The following CALN1 variants were observed in gnomAD, a reference collection of about 807,000 sequenced individuals.
CALN1 encodes the protein calcium-binding protein 8.
CALN1 carries 17 observed loss-of-function variants against 30.6 expected under a neutral mutation model. The observed-to-expected ratio is 0.56, with a 90% CI of 0.38 to 0.83. The LOEUF is 0.83. Among genes scored for constraint, CALN1 ranks in the 40% least tolerant of loss-of-function variants. The pLI, the probability that CALN1 is intolerant of heterozygous loss-of-function variation, is 0.00. For synonymous variants in CALN1, 156 were observed against 131.4 expected (o/e 1.19, Z -1.28); for missense variants, 291 against 354.9 (o/e 0.82, Z 1.45).
intron 5 of CALN1, among the ~76,000 whole-genome samples, chr7:72,019,117 C>T (rs1179850566): frequency 2.0e-5 from 3 of 151,756 alleles, no homozygotes; most frequent in African/African-American, 7.3e-5. Context: ...TCCCTAAGTG[C>T]TGGGATTATA....
chr7:72,340,921 G>C (rs991915965), intron 2 of CALN1, among the ~76,000 whole-genome samples: 12 of 152,158 alleles, frequency 7.9e-5, no homozygotes, highest in Admixed American at 5.9e-4. Context: ...CTGTGCCTTT[G>C]GCCTTCCCCC....
chr7:72,238,060 A>G (rs1172785908), intron 3 of CALN1, among the ~76,000 whole-genome samples: 1 of 152,198 alleles, frequency 6.6e-6, no homozygotes, highest in African/African-American at 2.4e-5. Flanking sequence ...AGGAAGCCCT[A>G]CAGAAGACAG....
chr7:72,055,583 T>A (rs1803200417), intron 4 of CALN1, among the ~76,000 whole-genome samples: 1 of 152,054 alleles, frequency 6.6e-6, no homozygotes, highest in African/African-American at 2.4e-5. Context: ...CAAATAAAAT[T>A]GCAACAGACA....
At chr7:72,297,196 T>C (rs937435177) in intron 2 of CALN1, among the ~76,000 whole-genome samples, 2 of 152,100 alleles carry the variant, frequency 1.3e-5, no homozygotes, top group Admixed American at 1.3e-4. Context: ...CCAAGGAGCA[T>C]TCAGAAAAAA....
intron 5 of CALN1, among the ~76,000 whole-genome samples, chr7:71,826,429 T>C (rs1394876459): frequency 1.3e-5 from 2 of 152,192 alleles, no homozygotes; most frequent in Non-Finnish European, 2.9e-5. Flanking sequence ...TTTGAAAAGC[T>C]TTGCTCTCTG....
intron 5 of CALN1, among the ~76,000 whole-genome samples, chr7:71,890,198 G>A (rs1793160926): frequency 1.3e-5 from 2 of 152,064 alleles, no homozygotes; most frequent in African/African-American, 2.4e-5. Context: ...TCAAACTCCT[G>A]GGCTCAGGCG....
chr7:72,048,041 C>CTTTT (rs1159186115), intron 4 of CALN1, among the ~76,000 whole-genome samples: 24 of 127,602 alleles, frequency 1.9e-4, no homozygotes, highest in South Asian at 5.1e-4. Flanking sequence ...TCTTCTTCTT[C>CTTTT]TTTTTTTTTT....
At chr7:72,303,575 A>G (rs1799444325) in intron 2 of CALN1, among the ~76,000 whole-genome samples, 1 of 104,102 alleles carries the variant, frequency 9.6e-6, no homozygotes, top group Non-Finnish European at 1.8e-5. Context: ...AGAAAAAGAA[A>G]AAAAAAAAAG....
chr7:71,883,761 G>A (rs1792725658), intron 5 of CALN1, among the ~76,000 whole-genome samples: 2 of 152,130 alleles, frequency 1.3e-5, no homozygotes. Flanking sequence ...CTTCTGAACT[G>A]TCCTTTCCCT....
chr7:71,958,065 C>CAAAAAAAAAAAAAAAAAAAAAAAAAAAAA (rs56355838), intron 5 of CALN1, among the ~76,000 whole-genome samples: 1 of 93,874 alleles, frequency 1.1e-5, no homozygotes, highest in East Asian at 2.9e-4. Flanking sequence ...AACTCCATCT[C>CAAAAAAAAAAAAAAAAAAAAAAAAAAAAA]AAAAAAAAAA....
intron 2 of CALN1, among the ~76,000 whole-genome samples, chr7:72,384,263 C>T (rs1284036554): frequency 6.6e-6 from 1 of 152,182 alleles, no homozygotes; most frequent in East Asian, 1.9e-4. Flanking sequence ...GAGTGAATGT[C>T]TGCAAGTGTG....
chr7:72,364,107 C>CAGA (rs1562923762), intron 2 of CALN1, among the ~76,000 whole-genome samples: 5 of 151,472 alleles, frequency 3.3e-5, no homozygotes, highest in African/African-American at 1.2e-4. Flanking sequence ...AATTTGAAAA[C>CAGA]TCTTCTAAGG....
intron 5 of CALN1, among the ~76,000 whole-genome samples, chr7:71,949,044 TAAAAAAA>T (rs34370568): frequency 6.0e-5 from 4 of 66,906 alleles, no homozygotes; most frequent in African/African-American, 1.8e-4. Context: ...CTCTGTCTCT[TAAAAAAA>T]AAAAAAAAAA....
rs941504724 is a variant in CALN1, at chr7:71,828,166, C to T, written c.502-17674G>A. Reference sequence around the variant, plus strand: ...AGCTCTCTGCTCCCAATTTCCACCACTATCCTGATGGGAGCCTTGACCCCA... The same window carrying T: ...AGCTCTCTGCTCCCAATTTCCACCATTATCCTGATGGGAGCCTTGACCCCA... On this transcript the variant is annotated intron_variant, in intron 5 of 6. Coordinates refer to ENST00000395275, the MANE Select transcript of CALN1 (RefSeq NM_031468.4). Among the ~76,000 whole-genome samples the T allele has an allele frequency of 3.3e-5, 5 of 152,290 alleles. No homozygotes were observed. The East Asian group carries it at 7.7e-4, about 24-fold the overall frequency.
chr7:72,404,765 G>A (rs1806587841), intron 1 of CALN1, among the ~76,000 whole-genome samples: 2 of 152,216 alleles, frequency 1.3e-5, no homozygotes, highest in African/African-American at 4.8e-5. Flanking sequence ...AAAAATGACT[G>A]TAGAAAGCAG....
At chr7:72,481,153 T>G in the CALN1 span, among the ~76,000 whole-genome samples, 3 of 152,174 alleles carry the variant, frequency 2.0e-5, no homozygotes, top group African/African-American at 7.2e-5. Flanking sequence ...GGTTTTGCCA[T>G]GTTGTCCAGG....
At chr7:72,147,156 G>T (rs575367600) in intron 3 of CALN1, among the ~76,000 whole-genome samples, 1 of 152,164 alleles carries the variant, frequency 6.6e-6, no homozygotes, top group Non-Finnish European at 1.5e-5. Flanking sequence ...CACAGCAAAA[G>T]AAACTACCAT....
intron 4 of CALN1, among the ~76,000 whole-genome samples, chr7:72,101,024 C>T (rs1447981003): frequency 2.0e-5 from 3 of 151,700 alleles, no homozygotes; most frequent in South Asian, 2.1e-4. Context: ...AGTGCAGTGG[C>T]GTGATCTCAG....
chr7:72,281,482 T>C (rs1376845223), intron 2 of CALN1, among the ~76,000 whole-genome samples: 1 of 152,152 alleles, frequency 6.6e-6, no homozygotes, highest in Non-Finnish European at 1.5e-5. Flanking sequence ...CCAGCTGTTA[T>C]CTTAACATGT....
Sources: allele counts gnomAD v4.1 joint callset (sites outside exome capture counted in the v4.1 genomes callset), GRCh38; gene constraint gnomAD v4.1.1; transcripts MANE v1.5; gene names NCBI Gene and HGNC (gene_info 2026-07-23, HGNC 2026-07-21).